The following PI4KA variants were observed in gnomAD, a reference collection of about 807,000 sequenced individuals.
PI4KA encodes PI4-kinase alpha.
A neutral mutation model predicts 271.4 loss-of-function variants in PI4KA; 122 were observed. The observed-to-expected ratio is 0.45, with a 90% CI of 0.39 to 0.52. PI4KA has a LOEUF of 0.52. Among genes scored for constraint, PI4KA ranks in the 20% least tolerant of loss-of-function variants. The pLI, the probability that PI4KA is intolerant of heterozygous loss-of-function variation, is 0.00. For missense variants in PI4KA, 1,969 were observed against 2,769.1 expected, an observed-to-expected ratio of 0.71 and a Z score of 6.48; for synonymous variants, 1,041 against 1,078.8, an observed-to-expected ratio of 0.96 and a Z score of 0.69.
Position 20,718,720 on chromosome 22 carries a change from T to C in PI4KA, c.5219A>G (p.Lys1740Arg), listed in dbSNP as rs1390556648. Residue 1740 changes from lysine to arginine, a missense_variant, in exon 44 of 55, where the codon AAG becomes AGG. By Grantham distance (26) the Lys-to-Arg change is conservative. Coordinates refer to ENST00000255882, the MANE Select transcript of PI4KA (RefSeq NM_058004.4). ...GATGATAGCCGACACGTTGGTGATCTTGTTAAAGAAATCAAACTCCCGCTG... is the reference window on the plus strand; with the variant it reads ...GATGATAGCCGACACGTTGGTGATCCTGTTAAAGAAATCAAACTCCCGCTG... ...FYQREFDFFN[K>R]ITNVSAIIKP... The C allele has an allele frequency of 1.2e-6, 2 of 1,613,798 alleles. No individual in the cohort carries two copies. Among genetic ancestry groups the C allele is most frequent in the Non-Finnish European group, 1.7e-6 (2 of 1,179,908 alleles).
chr22:20,774,711 A>C (rs1933114594), intron 19 of PI4KA, among the ~76,000 whole-genome samples: 1 of 151,088 alleles, frequency 6.6e-6, no homozygotes, highest in Admixed American at 6.6e-5. Context: ...CAGTGAGCGG[A>C]GATCGTGCCA....
At chr22:20,778,905 CTGACTGGTCCA>C (rs766616465) in intron 19 of PI4KA, among the ~76,000 whole-genome samples, 8 of 151,958 alleles carry the variant, frequency 5.3e-5, no homozygotes, top group Non-Finnish European at 8.8e-5. Context: ...CATCTGTCCC[CTGACTGGTCCA>C]TGAGCCCCTG....
intron 7 of PI4KA, among the ~76,000 whole-genome samples, chr22:20,816,936 G>C (rs1273127720): frequency 6.6e-6 from 1 of 152,234 alleles, no homozygotes; most frequent in African/African-American, 2.4e-5. Context: ...GAAAAGGGAA[G>C]CCTCCAAGGG....
At chr22:20,734,583 C>T in intron 32 of PI4KA, 30 bp from the exon 33 acceptor site, 2 of 1,598,780 alleles carry the variant, frequency 1.3e-6, no homozygotes, top group African/African-American at 1.3e-5. Flanking sequence ...GTTAGCTCCT[C>T]TGTGAAACAC....
Position 20,834,670 on chromosome 22 carries a change from GAAGAAT to G in PI4KA, c.274-21_274-16del, listed in dbSNP as rs1232048135. The G allele has an allele frequency of 3.3e-6, 5 of 1,502,120 alleles. No homozygotes were observed. Among genetic ancestry groups the G allele is most frequent in the Non-Finnish European group, 4.6e-6 (5 of 1,081,026 alleles). The allele number at this position is 1,502,120 out of a possible 1,614,324, so 93.0% of individuals were successfully genotyped here. On this transcript the variant is annotated splice_polypyrimidine_tract_variant and intron_variant, in intron 2 of 54. Coordinates refer to ENST00000255882, the MANE Select transcript of PI4KA (RefSeq NM_058004.4). ...CAATCTTTGTGCTAAAAAATAATAAGAAGAATAATAAATTAGATTTAATAAAATAAG... is the reference window on the plus strand; with the variant it reads ...CAATCTTTGTGCTAAAAAATAATAAGAATAAATTAGATTTAATAAAATAAG...
At chr22:20,740,061 CAAAAAAAAAAAAAAA>C (rs59323542) in intron 32 of PI4KA, among the ~76,000 whole-genome samples, 1 of 73,372 alleles carries the variant, frequency 1.4e-5, no homozygotes, top group Non-Finnish European at 2.6e-5. Context: ...GACCCCATCT[CAAAAAAAAAAAAAAA>C]AAAAAAAAAA....
chr22:20,825,389 G>A (rs957707280), intron 3 of PI4KA, among the ~76,000 whole-genome samples: 3 of 152,156 alleles, frequency 2.0e-5, no homozygotes, highest in Admixed American at 6.5e-5. Context: ...GAGGCCAGGA[G>A]TTCAAGACCA....
intron 42 of PI4KA, among the ~76,000 whole-genome samples, chr22:20,723,539 T>A (rs1353620181): frequency 1.5e-5 from 2 of 135,654 alleles, no homozygotes; most frequent in South Asian, 2.4e-4. Context: ...GTCTATTAAA[T>A]ACAAAAATAG....
chr22:20,776,433 C>T (rs1283649984), intron 19 of PI4KA, among the ~76,000 whole-genome samples: 2 of 152,196 alleles, frequency 1.3e-5, no homozygotes, highest in African/African-American at 2.4e-5. Flanking sequence ...GAAAAGGCAA[C>T]AGGCATTTTG....
intron 19 of PI4KA, among the ~76,000 whole-genome samples, chr22:20,778,841 C>T (rs773613031): frequency 1.9e-4 from 29 of 152,222 alleles, no homozygotes; most frequent in Admixed American, 6.5e-5. Flanking sequence ...TCCGTACCCC[C>T]ATGTGCTCTG....
chr22:20,716,759 G>A (rs5751793), intron 45 of PI4KA, among the ~76,000 whole-genome samples: 154 of 152,310 alleles, frequency 1.0e-3, no homozygotes, highest in African/African-American at 3.4e-3. Context: ...TGGCCTTCCC[G>A]ATGCGGGAAC....
At chr22:20,731,414 C>T (rs753970988) in intron 36 of PI4KA, among the ~76,000 whole-genome samples, 14 of 152,068 alleles carry the variant, frequency 9.2e-5, no homozygotes, top group Non-Finnish European at 1.8e-4. Context: ...AGGTTGTCAG[C>T]CGTGGGTCTG....
At chr22:20,764,754 A>C in intron 22 of PI4KA, 63 bp downstream of exon 22, 1 of 1,512,696 alleles carries the variant, frequency 6.6e-7, no homozygotes, top group Admixed American at 2.1e-5. Flanking sequence ...TTACGAGGGC[A>C]CAAAAATGAA....
chr22:20,799,326 A>C, intron 15 of PI4KA, 50 bp from the exon 16 acceptor site: 1 of 1,461,494 alleles, frequency 6.8e-7, no homozygotes, highest in South Asian at 1.4e-5. Flanking sequence ...TCCAGCATGC[A>C]GTAGTGAAAC....
intron 7 of PI4KA, among the ~76,000 whole-genome samples, chr22:20,816,834 C>T (rs1204064083): frequency 6.6e-6 from 1 of 152,102 alleles, no homozygotes; most frequent in Non-Finnish European, 1.5e-5. Flanking sequence ...TAGTGTGCTC[C>T]CATCTGCCAC....
At chr22:20,765,731 T>C (rs769997085) in intron 19 of PI4KA, 38 bp from the exon 20 acceptor site, 2 of 1,377,814 alleles carry the variant, frequency 1.5e-6, no homozygotes, top group South Asian at 1.2e-5. Flanking sequence ...GGAGGTTATT[T>C]GCTGAGGAAA....
Position 20,793,242 on chromosome 22 carries a change from G to C in PI4KA, c.2279C>G (p.Ala760Gly). The change falls in exon 19 of 55, where the codon GCT becomes GGT. Residue 760 changes from alanine to glycine, a missense_variant and splice_region_variant. Physicochemically the swap from Ala to Gly is moderately conservative, Grantham distance 60. Transcript: ENST00000255882. ...TCCCAAGTTCCCTGCACTGCTAGAA[G>C]CCTAGAAAAGAACAGAATTATTGTC... ...RASEKGPALK[A>G]SSSAGNLGVL... The C allele has an allele frequency of 6.4e-7, 1 of 1,553,498 alleles. No homozygotes were observed. Among genetic ancestry groups the C allele is most frequent in the Non-Finnish European group, 8.9e-7 (1 of 1,125,428 alleles).
intron 19 of PI4KA, among the ~76,000 whole-genome samples, chr22:20,774,576 C>T (rs889960521): frequency 2.0e-5 from 3 of 152,096 alleles, no homozygotes; most frequent in African/African-American, 4.8e-5. Flanking sequence ...GCCTGACCAA[C>T]ATGGTGAAGC....
At chr22:20,756,561 C>T (rs1362320791) in intron 23 of PI4KA, among the ~76,000 whole-genome samples, 1 of 152,040 alleles carries the variant, frequency 6.6e-6, no homozygotes, top group Non-Finnish European at 1.5e-5. Flanking sequence ...GAAACTGAAA[C>T]TGTAAATTCC....
Sources: allele counts gnomAD v4.1 joint callset (sites outside exome capture counted in the v4.1 genomes callset), GRCh38; gene constraint gnomAD v4.1.1; transcripts MANE v1.5; gene names NCBI Gene and HGNC (gene_info 2026-07-23, HGNC 2026-07-21).